The following ITIH5 variants were observed in gnomAD, a reference collection of about 807,000 sequenced individuals.
ITIH5 encodes the protein inter-alpha-trypsin inhibitor heavy chain H5.
A neutral mutation model predicts 77.5 loss-of-function variants in ITIH5; 65 were observed. The observed-to-expected ratio is 0.84, with a 90% CI of 0.69 to 1.03. The LOEUF (loss-of-function observed/expected upper bound fraction) is 1.03. Among genes scored for constraint, ITIH5 ranks in the 50% least tolerant of loss-of-function variants. The pLI is 0.00. For missense variants in ITIH5, 1,208 were observed against 1,213.1 expected (o/e 1.00, Z 0.06); for synonymous variants, 525 against 494.3 (o/e 1.06, Z -0.82).
chr10:7,576,883 C>A lies in ITIH5; in HGVS notation c.1548G>T (p.Gly516=). ...YFNGSEIIIA[G]KLVDRKLDHL... ...GATCCAGCTTCCTGTCCACCAGCTTCCCCGCAATGATGATCTCCGAGCCGT... is the reference window on the plus strand; with the variant it reads ...GATCCAGCTTCCTGTCCACCAGCTTACCCGCAATGATGATCTCCGAGCCGT... The change falls in exon 10 of 14, where the codon GGG becomes GGT. Residue 516 remains glycine (G), a synonymous_variant. Coordinates refer to ENST00000397146, the MANE Select transcript of ITIH5 (RefSeq NM_030569.7). The A allele has an allele frequency of 6.2e-7, 1 of 1,614,182 alleles. No individual in the cohort carries two copies. Among genetic ancestry groups the A allele is most frequent in the Non-Finnish European group, 8.5e-7 (1 of 1,180,042 alleles).
Position 7,602,870 on chromosome 10 carries a change from T to C in ITIH5, c.939+13112A>G, listed in dbSNP as rs117176780. ...ATAACAGCTCCATCGTTCTTCCTTCTTCCACATTCATAGTCACCACTCTGG... is the reference window on the plus strand; with the variant it reads ...ATAACAGCTCCATCGTTCTTCCTTCCTCCACATTCATAGTCACCACTCTGG... On this transcript the variant is annotated intron_variant, in intron 7 of 13. Coordinates refer to ENST00000397146, the MANE Select transcript of ITIH5 (RefSeq NM_030569.7). 1.9e-3 allele frequency among the ~76,000 whole-genome samples: 289 copies of C among 152,312 alleles called. 7 individuals are homozygous for C. The East Asian group carries it at 0.053, about 28-fold the overall frequency.
chr10:7,586,243 T>C (rs1234376764), intron 7 of ITIH5, among the ~76,000 whole-genome samples, 174 bp from the exon 8 acceptor site: 1 of 150,528 alleles, frequency 6.6e-6, no homozygotes, highest in East Asian at 2.0e-4. Context: ...CTGGAAAAAA[T>C]GGTATAAAGA....
rs186717433 is a variant in ITIH5 at position 7,637,110 on chromosome 10, A to T, written c.652+118T>A. On this transcript the variant is annotated intron_variant, in intron 5 of 13. Transcript: ENST00000397146. Reference sequence around the variant, plus strand: ...TCATTGCTATCATTCCAGTTCCTACAAAAATGCAAAGGCTTTGCTGAAGGG... The same window carrying T: ...TCATTGCTATCATTCCAGTTCCTACTAAAATGCAAAGGCTTTGCTGAAGGG... 5.2e-5 allele frequency: 68 copies of T among 1,307,492 alleles called. No individual in the cohort carries two copies. In the African/African-American group the frequency reaches 8.4e-4, roughly 16 times the overall value. 81.0% of individuals were successfully genotyped at this position (1,307,492 alleles called of 1,614,324 possible).
In ITIH5 at chr10:7,572,491, G is replaced by A. The variant is rs1832321590; in HGVS notation, c.2032+651C>T. The A allele has an allele frequency of 3.1e-6, 4 of 1,274,570 alleles. No homozygotes were observed. The Admixed American group carries it at 1.0e-4, about 32-fold the overall frequency. The allele number at this position is 1,274,570 out of a possible 1,614,324, so 79.0% of individuals were successfully genotyped here. A position where few individuals can be genotyped will look rare whatever the true frequency, so the allele number is the denominator to read the frequency against. On this transcript the variant is annotated intron_variant, in intron 11 of 13. Transcript: ENST00000397146. ...TTTTATGTTTATGATAGCAGAGGCTGGAAGGATGCATGCTCCGGATCTCTA... is the reference window on the plus strand; with the variant it reads ...TTTTATGTTTATGATAGCAGAGGCTAGAAGGATGCATGCTCCGGATCTCTA...
At chr10:7,662,311 C>T (rs1374803469) in intron 1 of ITIH5, among the ~76,000 whole-genome samples, 1 of 151,684 alleles carries the variant, frequency 6.6e-6, no homozygotes, top group Non-Finnish European at 1.5e-5. Flanking sequence ...GAGCCAAGAT[C>T]ATGCCACTGC....
At chr10:7,630,763 T>C (rs1833699035) in intron 5 of ITIH5, among the ~76,000 whole-genome samples, 1 of 152,174 alleles carries the variant, frequency 6.6e-6, no homozygotes, top group South Asian at 2.1e-4. Flanking sequence ...TCCTATTCTG[T>C]AGGTTGTCTT....
At chr10:7,586,100 A>G in intron 7 of ITIH5, 31 bp from the exon 8 acceptor site, 1 of 1,591,280 alleles carries the variant, frequency 6.3e-7, no homozygotes, top group Non-Finnish European at 8.5e-7. Context: ...AACCAGTCAC[A>G]GCTGCTCACA....
At position 7,576,804 on chromosome 10, in the gene ITIH5, T is replaced by A; in HGVS notation, c.1627A>T (p.Thr543Ser). ...SNSKKFIILK[T>S]DVPVRPQKAG... The stretch of plus-strand genomic sequence containing the variant: ...TTCTGAGGCCGCACAGGCACATCTG[T>A]CTTCAGGATGATGAATTTCTTACTG... The change falls in exon 10 of 14, where the codon ACA (threonine) becomes TCA (serine). Residue 543 changes from threonine (T) to serine (S), a missense_variant. Physicochemically the swap from Thr to Ser is moderately conservative, Grantham distance 58. Coordinates refer to ENST00000397146, the MANE Select transcript of ITIH5 (RefSeq NM_030569.7). 6.2e-7 allele frequency: 1 copy of A among 1,614,166 alleles called. No individual in the cohort carries two copies. The highest frequency in any genetic ancestry group is 8.5e-7 in the Non-Finnish European group (1 of 1,180,028).
chr10:7,634,898 A>G (rs1833775552), intron 5 of ITIH5, among the ~76,000 whole-genome samples: 2 of 152,140 alleles, frequency 1.3e-5, no homozygotes, highest in African/African-American at 4.8e-5. Context: ...CTTCCGAGGT[A>G]CTGTTAGAGA....
rs1410686163 is a variant in ITIH5 at position 7,622,908 on chromosome 10, T to A, written c.653-5626A>T. The stretch of plus-strand genomic sequence containing the variant: ...CATGTTTATAAGTGCCATTAAATAT[T>A]CCTATGTCTGATCCTATTAGGTAAT... On this transcript the variant is annotated intron_variant, in intron 5 of 13. Transcript: ENST00000397146. 2.0e-5 allele frequency among the ~76,000 whole-genome samples: 3 copies of A among 152,248 alleles called. No individual in the cohort carries two copies. In the East Asian group the frequency reaches 5.8e-4, roughly 29 times the overall value.
chr10:7,600,428 T>C, intron 7 of ITIH5: 1 of 426,182 alleles, frequency 2.3e-6, no homozygotes, highest in Non-Finnish European at 4.7e-6. Context: ...TGAACATCTC[T>C]GAGCACTAGG....
At chr10:7,666,780 C>T in intron 1 of ITIH5, 23 bp downstream of exon 1, 1 of 1,591,300 alleles carries the variant, frequency 6.3e-7, no homozygotes, top group South Asian at 1.1e-5. Flanking sequence ...GCCCGGGACC[C>T]GGCTCCCCTC....
intron 11 of ITIH5, chr10:7,572,112 C>T (rs1451720144): frequency 1.7e-5 from 18 of 1,066,722 alleles, no homozygotes; most frequent in Non-Finnish European, 1.8e-5. Context: ...TTCCATAAAG[C>T]CTGTGTGTGT....
At chr10:7,606,984 T>A (rs1833138846) in intron 7 of ITIH5, among the ~76,000 whole-genome samples, 1 of 152,240 alleles carries the variant, frequency 6.6e-6, no homozygotes, top group South Asian at 2.1e-4. Context: ...TACCTCATAT[T>A]CTGAGTCAGA....
At chr10:7,582,466 T>TA in intron 8 of ITIH5, among the ~76,000 whole-genome samples, 1 of 137,486 alleles carries the variant, frequency 7.3e-6, no homozygotes, top group Non-Finnish European at 1.6e-5. Flanking sequence ...GTTTTTTTTT[T>TA]AAAATGGCTT....
chr10:7,607,084 C>T (rs778553386), intron 7 of ITIH5, among the ~76,000 whole-genome samples: 7 of 152,210 alleles, frequency 4.6e-5, no homozygotes, highest in Non-Finnish European at 1.0e-4. Flanking sequence ...CATGCATCTG[C>T]TGGTAGCAAC....
chr10:7,620,964 A>T (rs1338061401), intron 5 of ITIH5: 1 of 152,258 alleles, frequency 6.6e-6, no homozygotes, highest in African/African-American at 2.4e-5. Flanking sequence ...AACCAGCAGC[A>T]TCAGCAGCTC....
intron 11 of ITIH5, chr10:7,570,447 G>A (rs1832274554): frequency 6.6e-6 from 1 of 152,236 alleles, no homozygotes; most frequent in South Asian, 2.1e-4. Flanking sequence ...GTCCACAGAT[G>A]AGACCGCAAA....
intron 7 of ITIH5, among the ~76,000 whole-genome samples, chr10:7,612,646 C>CA (rs1293204453): frequency 1.7e-4 from 24 of 142,982 alleles, no homozygotes; most frequent in Non-Finnish European, 2.3e-4. Context: ...CCTGCCCCCA[C>CA]AAAAAAGCTG....
Sources: gnomAD v4.1 joint callset for allele counts (sites outside exome capture counted in the v4.1 genomes callset) on GRCh38, gnomAD v4.1.1 for gene constraint, MANE v1.5 for transcripts, NCBI Gene and HGNC (gene_info 2026-07-23, HGNC 2026-07-21) for gene names.